DENND5B: variants seen among roughly 807,000 people sequenced by gnomAD.
DENND5B encodes the protein DENN domain-containing protein 5B.
Under a neutral mutation model 140.6 loss-of-function variants are expected in DENND5B, and 34 were observed. That is an observed-to-expected ratio of 0.24 (90% CI 0.18 to 0.32). The LOEUF (loss-of-function observed/expected upper bound fraction) is 0.32. Among genes scored for constraint, DENND5B ranks in the 10% least tolerant of loss-of-function variants. The pLI is 1.00. For missense variants in DENND5B, 1,142 were observed against 1,560.2 expected (o/e 0.73, Z 4.52); for synonymous variants, 551 against 562.1 (o/e 0.98, Z 0.28).
At chr12:31,464,897 A>G (rs942596309) in intron 3 of DENND5B, among the ~76,000 whole-genome samples, 1 of 152,204 alleles carries the variant, frequency 6.6e-6, no homozygotes, top group Non-Finnish European at 1.5e-5. Context: ...AATTGTTAAC[A>G]TTCAACATAT....
intron 1 of DENND5B, among the ~76,000 whole-genome samples, chr12:31,517,720 T>A (rs1336188784): frequency 6.6e-6 from 1 of 152,122 alleles, no homozygotes; most frequent in Non-Finnish European, 1.5e-5. Flanking sequence ...AAGACTGGGA[T>A]CTGGGAAGGT....
chr12:31,590,642 C>T (rs1950588980), intron 1 of DENND5B, 64 bp downstream of exon 1: 1 of 1,383,630 alleles, frequency 7.2e-7, no homozygotes, highest in Non-Finnish European at 9.3e-7. Flanking sequence ...CCGCCTCCCG[C>T]GCGTCCCCAC....
chr12:31,412,244 G>C (rs1412709864), intron 13 of DENND5B, among the ~76,000 whole-genome samples: 1 of 152,182 alleles, frequency 6.6e-6, no homozygotes. Context: ...CACTGCACCT[G>C]ACCTCGAAGA....
At chr12:31,473,141 T>C (rs1945636343) in intron 3 of DENND5B, among the ~76,000 whole-genome samples, 1 of 152,178 alleles carries the variant, frequency 6.6e-6, no homozygotes, top group African/African-American at 2.4e-5. Context: ...TTTTGCTATG[T>C]TGCCCAGGCT....
At chr12:31,527,324 A>T (rs1309146604) in intron 1 of DENND5B, among the ~76,000 whole-genome samples, 1 of 152,224 alleles carries the variant, frequency 6.6e-6, no homozygotes, top group African/African-American at 2.4e-5. Context: ...GAGCATGCTC[A>T]GATTGTCTGG....
intron 1 of DENND5B, among the ~76,000 whole-genome samples, chr12:31,586,108 A>G (rs1187937440): frequency 6.6e-6 from 1 of 152,188 alleles, no homozygotes; most frequent in Non-Finnish European, 1.5e-5. Context: ...CCATTGCTCA[A>G]AAGATTGACT....
intron 1 of DENND5B, among the ~76,000 whole-genome samples, chr12:31,544,849 C>A (rs1396540619): frequency 6.6e-6 from 1 of 152,010 alleles, no homozygotes; most frequent in Non-Finnish European, 1.5e-5. Flanking sequence ...GAATGTTGAA[C>A]CTGAATCTAA....
At chr12:31,452,526 T>G (rs988713663) in intron 4 of DENND5B, 50 bp from the exon 5 acceptor site, 14 of 1,513,252 alleles carry the variant, frequency 9.3e-6, no homozygotes, top group Non-Finnish European at 1.2e-5. Context: ...GAATTGTATG[T>G]GCTAACATAT....
At chr12:31,404,974 G>T (rs562354755) in intron 14 of DENND5B, among the ~76,000 whole-genome samples, 13 of 151,750 alleles carry the variant, frequency 8.6e-5, no homozygotes, top group Non-Finnish European at 1.5e-4. Flanking sequence ...TGACCAGGAT[G>T]GTCTCGAACT....
intron 1 of DENND5B, among the ~76,000 whole-genome samples, chr12:31,528,973 C>T (rs1948182953): frequency 1.3e-5 from 2 of 151,694 alleles, no homozygotes; most frequent in African/African-American, 4.8e-5. Flanking sequence ...GCAGCCTGGC[C>T]AACATGGTGA....
intron 1 of DENND5B, among the ~76,000 whole-genome samples, chr12:31,588,210 T>C (rs60362906): frequency 0.15 from 22,403 of 152,088 alleles, 1,843 homozygotes; most frequent in East Asian, 0.25. Context: ...AGGTGATCCA[T>C]CTGGCCTGCT....
At chr12:31,485,265 TCCA>T (rs1946256530) in intron 2 of DENND5B, among the ~76,000 whole-genome samples, 1 of 152,196 alleles carries the variant, frequency 6.6e-6, no homozygotes, top group Non-Finnish European at 1.5e-5. Context: ...TCATGCCTCA[TCCA>T]CCATGTTCAC....
chr12:31,497,460 T>A (rs1276089218), intron 1 of DENND5B, among the ~76,000 whole-genome samples: 1 of 151,976 alleles, frequency 6.6e-6, no homozygotes, highest in East Asian at 2.0e-4. Flanking sequence ...TTCTAGAGTA[T>A]GTAAGCATCA....
chr12:31,496,925 T>C (rs944073646), intron 1 of DENND5B, among the ~76,000 whole-genome samples: 3 of 152,274 alleles, frequency 2.0e-5, no homozygotes, highest in South Asian at 2.1e-4. Flanking sequence ...AACAATTTTA[T>C]TGTGTTGTGT....
intron 1 of DENND5B, among the ~76,000 whole-genome samples, chr12:31,502,222 G>C (rs1360367754): frequency 1.3e-5 from 2 of 152,082 alleles, no homozygotes; most frequent in Admixed American, 6.6e-5. Flanking sequence ...GGCTGAGGCA[G>C]AAGAATCCCT....
chr12:31,569,823 G>C (rs1484252400), intron 1 of DENND5B, among the ~76,000 whole-genome samples: 1 of 151,454 alleles, frequency 6.6e-6, no homozygotes, highest in Non-Finnish European at 1.5e-5. Context: ...AAAAATAACA[G>C]TTAAGAGCCA....
intron 9 of DENND5B, among the ~76,000 whole-genome samples, chr12:31,425,848 G>C (rs1474749137): frequency 2.0e-5 from 3 of 152,180 alleles, no homozygotes; most frequent in Non-Finnish European, 4.4e-5. Flanking sequence ...AGGTTTCTGA[G>C]AGGAGAACGT....
At chr12:31,426,214 GGTTAACTCA>G in intron 9 of DENND5B, 70 bp downstream of exon 9, 1 of 1,466,434 alleles carries the variant, frequency 6.8e-7, no homozygotes, top group Non-Finnish European at 9.1e-7. Flanking sequence ...CTTAAATGGG[GGTTAACTCA>G]GTTCATCTTA....
intron 3 of DENND5B, 110 bp from the exon 4 acceptor site, chr12:31,460,491 ATATT>A (rs1944964770): frequency 2.1e-6 from 2 of 963,334 alleles, no homozygotes; most frequent in Non-Finnish European, 3.0e-6. Context: ...TTAAAAGTAA[ATATT>A]TCTTTATGAT....
Sources: gnomAD v4.1 joint callset for allele counts (sites outside exome capture counted in the v4.1 genomes callset) on GRCh38, gnomAD v4.1.1 for gene constraint, MANE v1.5 for transcripts, NCBI Gene and HGNC (gene_info 2026-07-23, HGNC 2026-07-21) for gene names.